The following SRRT variants were observed in gnomAD, a reference collection of about 807,000 sequenced individuals.
The protein encoded by SRRT is serrate, RNA effector molecule, also known as serrate RNA effector molecule homolog.
A neutral mutation model predicts 103.2 loss-of-function variants in SRRT; 32 were observed. The ratio of observed to expected loss-of-function variants is 0.31; its 90% CI spans 0.23 to 0.42. The LOEUF is 0.42. Ranked by LOEUF, SRRT falls within the 10% of genes least tolerant of loss-of-function variation. SRRT has a pLI of 1.00. For missense variants in SRRT, 986 were observed against 1,207.5 expected, an observed-to-expected ratio of 0.82 and a Z score of 2.72; for synonymous variants, 525 against 449.0, an observed-to-expected ratio of 1.17 and a Z score of -2.14.
chr7:100,888,367 G>A lies in SRRT; in HGVS notation c.2539G>A (p.Gly847Arg). 6.2e-7 allele frequency: 1 copy of A among 1,613,916 alleles called. No individual in the cohort carries two copies. Among genetic ancestry groups the A allele is most frequent in the Non-Finnish European group, 8.5e-7 (1 of 1,179,864 alleles). Residue 847 changes from glycine to arginine, a missense_variant, in exon 19 of 20, where the codon GGG (glycine) becomes AGG (arginine). Physicochemically the swap from Gly to Arg is moderately radical, Grantham distance 125. Transcript: ENST00000611405. ...CTTCCGAGGCCAGGGAGGTTATCCT[G>A]GGAAACCTCGCAACAGGTGAGGAGG... ...DAFRGQGGYP[G>R]KPRNRMVRGD...
Position 100,885,870 on chromosome 7 carries a change from C to T in SRRT, c.1387C>T (p.Arg463Cys), listed in dbSNP as rs755529934. ...SEPQPERRFF[R>C]RGWVTFDRSV... The stretch of plus-strand genomic sequence containing the variant: ...ATTTTCTTTCTTGTGTAGGTTTTTC[C>T]GTCGTGGCTGGGTGACCTTCGACCG... Residue 463 changes from arginine (R) to cysteine (C), a missense_variant, in exon 12 of 20, where the codon CGT (arginine) becomes TGT (cysteine). Coordinates refer to ENST00000611405, the MANE Select transcript of SRRT (RefSeq NM_015908.6). This position sits in a 1 kb window ranked among gnomAD's most constrained non-coding sequence, Gnocchi z 4.8. The T allele has an allele frequency of 1.5e-5, 25 of 1,613,932 alleles. No individual in the cohort carries two copies. Among genetic ancestry groups the T allele is most frequent in the Non-Finnish European group, 2.1e-5 (25 of 1,180,022 alleles).
At position 100,884,854 on chromosome 7, in the gene SRRT, C is replaced by T; in HGVS notation, c.1041+16C>T. ...AGCCAAAAAGGTGAGGTGTCTGTGG[C>T]CTGGGGTCAGAGTGTTGGGGCTGGG... On this transcript the variant is annotated intron_variant, in intron 8 of 19. Transcript: ENST00000611405. The T allele has an allele frequency of 1.2e-6, 2 of 1,613,672 alleles. No homozygotes were observed. The highest frequency in any genetic ancestry group is 2.2e-5 in the South Asian group (2 of 91,042).
At position 100,885,959 on chromosome 7, in the gene SRRT, G is replaced by T; in HGVS notation, c.1458+18G>T. On this transcript the variant is annotated intron_variant, in intron 12 of 19. Coordinates refer to ENST00000611405, the MANE Select transcript of SRRT (RefSeq NM_015908.6). This position sits in a 1 kb window ranked among gnomAD's most constrained non-coding sequence, Gnocchi z 4.8. ...ACATCCGTGTGAGTGCTGGGGGTGG[G>T]ACTGTGGGGAAGAGGAAGGGAGACT... 1 of 1,613,116 alleles carries T rather than the reference G, an allele frequency of 6.2e-7. No individual in the cohort carries two copies. Among genetic ancestry groups the T allele is most frequent in the South Asian group, 1.1e-5 (1 of 91,038 alleles).
chr7:100,885,364 C>T lies in SRRT; in HGVS notation c.1311C>T (p.Ile437=), dbSNP rs777988837. 1.2e-6 allele frequency: 2 copies of T among 1,613,172 alleles called. No individual in the cohort carries two copies. Among genetic ancestry groups the T allele is most frequent in the Non-Finnish European group, 1.7e-6 (2 of 1,179,338 alleles). ...NIAPNISRAE[I]ISLCKRYPGF... ...CGCCCAACATCTCCCGGGCCGAGAT[C>T]ATCTCCGTGAGTGGGGACCCGTGGA... The change falls in exon 10 of 20, where the codon ATC becomes ATT. Residue 437 remains isoleucine (I), a synonymous_variant. Transcript: ENST00000611405. This position sits in a 1 kb window ranked among gnomAD's most constrained non-coding sequence, Gnocchi z 4.8.
chr7:100,878,077 G>A (rs565425051), intron 2 of SRRT, among the ~76,000 whole-genome samples: 59 of 152,254 alleles, frequency 3.9e-4, no homozygotes, highest in Non-Finnish European at 7.4e-4. Flanking sequence ...TTTGGGAGGC[G>A]AAGGTGGGTG....
Position 100,886,776 on chromosome 7 carries a change from C to A in SRRT, c.1648-19C>A, listed in dbSNP as rs373686541. 6.2e-7 allele frequency: 1 copy of A among 1,613,660 alleles called. No individual in the cohort carries two copies. Among genetic ancestry groups the A allele is most frequent in the Non-Finnish European group, 8.5e-7 (1 of 1,179,858 alleles). ...CTGAAGGTCTTCTCTGCCTTACTTG[C>A]TTCTCTTCCTCCCATCAGAGCCTGC... On this transcript the variant is annotated intron_variant, in intron 13 of 19. Transcript: ENST00000611405.
intron 5 of SRRT, among the ~76,000 whole-genome samples, chr7:100,883,720 C>T (rs1359219135): frequency 1.3e-5 from 2 of 152,176 alleles, no homozygotes; most frequent in South Asian, 2.1e-4. Context: ...GCCTTCCTCT[C>T]TGAAGCTTTG....
At position 100,887,208 on chromosome 7, in the gene SRRT, C is replaced by G; in HGVS notation, c.1975+8C>G. On this transcript the variant is annotated splice_region_variant and intron_variant, in intron 15 of 19. Transcript: ENST00000611405. This position sits in a 1 kb window ranked among gnomAD's most constrained non-coding sequence, Gnocchi z 4.1. ...GCATCAGTCACGGGGAAGGTGAGCT[C>G]CAGGTTCCCCTTTGTTCCCGGCTGC... 3.1e-6 allele frequency: 5 copies of G among 1,614,144 alleles called. No homozygotes were observed. Among genetic ancestry groups the G allele is most frequent in the Middle Eastern group, 3.3e-4 (2 of 6,062 alleles).
chr7:100,885,089 G>T lies in SRRT; in HGVS notation c.1159+49G>T, dbSNP rs368946191. The T allele has an allele frequency of 1.3e-4, 211 of 1,610,004 alleles. 4 individuals are homozygous for T. The highest frequency in any genetic ancestry group is 8.9e-4 in the East Asian group (40 of 44,790). On this transcript the variant is annotated intron_variant, in intron 9 of 19. Transcript: ENST00000611405. The surrounding 1 kb of genome is among the most constrained non-coding windows in gnomAD (Gnocchi z 4.8). ...AGTGCGTTCTCCTAATGCGGGTGGG[G>T]AGGTGAGAGGTTGGCGACATTGACG...
In SRRT at chr7:100,875,348, T is replaced by TG. The variant is rs548859342; in HGVS notation, c.-19+26dup. 6 of 1,264,444 alleles carry TG rather than the reference T, an allele frequency of 4.7e-6. No individual in the cohort carries two copies. The highest frequency in any genetic ancestry group is 1.6e-5 in the African/African-American group (1 of 62,992). The allele number at this position is 1,264,444 out of a possible 1,614,324, so 78.3% of individuals were successfully genotyped here. On this transcript the variant is annotated intron_variant, in intron 1 of 19. Coordinates refer to ENST00000611405, the MANE Select transcript of SRRT (RefSeq NM_015908.6). ...ACCAAGGTGGGGGAGGGGAGGAGCC[T>TG]GGGGGGCCCCGCTGGGGCGGGAGAG...
chr7:100,884,443 GAAAGCC>G lies in SRRT; in HGVS notation c.834_839del (p.Lys279_Pro280del), dbSNP rs569140627. On this transcript the variant is annotated inframe_deletion, in exon 7 of 20. Transcript: ENST00000611405. ...CAGGAGGAGGAGGAGGAGCAGGCAGGAAAGCCTGGGGAGCCCAGCAAGAAAGAAGAA... is the reference window on the plus strand; with the variant it reads ...CAGGAGGAGGAGGAGGAGCAGGCAGGTGGGGAGCCCAGCAAGAAAGAAGAA... 2.8e-5 allele frequency: 45 copies of G among 1,613,930 alleles called. No homozygotes were observed. In the East Asian group the frequency reaches 4.0e-4, roughly 14 times the overall value.
rs777214532 is a variant in SRRT at position 100,887,077 on chromosome 7, A to G, written c.1852A>G (p.Ile618Val). ...VLDKLLLYLR[I>V]VHSLDYYNTC... ...GGACAAGCTCCTCCTTTACCTGCGC[A>G]TCGTGCATTCCTTGGATTATTACAA... is the stretch of plus-strand genomic sequence containing the variant. Residue 618 changes from isoleucine to valine, a missense_variant, in exon 15 of 20, where the codon ATC (isoleucine) becomes GTC (valine). Around this residue, in one of 6 missense-constraint regions of SRRT, gnomAD observed 349 missense variants for 446.9 expected, o/e 0.78. Coordinates refer to ENST00000611405, the MANE Select transcript of SRRT (RefSeq NM_015908.6). The surrounding 1 kb of genome is among the most constrained non-coding windows in gnomAD (Gnocchi z 4.1). The G allele has an allele frequency of 2.0e-5, 33 of 1,614,082 alleles. No individual in the cohort carries two copies. The highest frequency in any genetic ancestry group is 4.0e-5 in the African/African-American group (3 of 74,938).
intron 2 of SRRT, among the ~76,000 whole-genome samples, chr7:100,876,903 A>C (rs1815765794): frequency 2.0e-5 from 3 of 152,162 alleles, no homozygotes; most frequent in African/African-American, 7.2e-5. Flanking sequence ...GAGTGACATG[A>C]ACAGCTTGGA....
intron 2 of SRRT, 53 bp from the exon 3 acceptor site, chr7:100,881,232 G>A: frequency 6.3e-7 from 1 of 1,577,018 alleles, no homozygotes; most frequent in Non-Finnish European, 8.7e-7. Flanking sequence ...TGGATTACAG[G>A]CATGAGCCAC....
Position 100,882,145 on chromosome 7 carries a change from A to C in SRRT, c.491A>C (p.Asp164Ala). 6.2e-7 allele frequency: 1 copy of C among 1,614,146 alleles called. No individual in the cohort carries two copies. Among genetic ancestry groups the C allele is most frequent in the East Asian group, 2.2e-5 (1 of 44,882 alleles). The change falls in exon 5 of 20, where the codon GAT becomes GCT. Residue 164 changes from aspartate to alanine, a missense_variant. Asp to Ala is a moderately radical substitution (Grantham distance 126). Around this residue, in one of 6 missense-constraint regions of SRRT, gnomAD observed 274 missense variants for 358.5 expected, o/e 0.76. Coordinates refer to ENST00000611405, the MANE Select transcript of SRRT (RefSeq NM_015908.6). The surrounding 1 kb of genome is among the most constrained non-coding windows in gnomAD (Gnocchi z 4.2). ...EFLLSLDDSV[D>A]ETEAVKRYND... ...CTCCTCTCCCTGGATGACTCGGTGG[A>C]TGAGACGGAGGCCGTCAAGCGCTAT... is the stretch of plus-strand genomic sequence containing the variant.
chr7:100,885,575 C>G lies in SRRT; in HGVS notation c.1318-126C>G. ...GTTCTGAAGCCCTTTAGTGGTTTTT[C>G]CCTGCCCAAGGATGGGAAGAGTGAT... On this transcript the variant is annotated intron_variant, in intron 10 of 19. Coordinates refer to ENST00000611405, the MANE Select transcript of SRRT (RefSeq NM_015908.6). The surrounding 1 kb of genome is among the most constrained non-coding windows in gnomAD (Gnocchi z 4.8). 4 of 1,198,406 alleles carry G rather than the reference C, an allele frequency of 3.3e-6. No homozygotes were observed. The East Asian group carries it at 7.7e-5, about 23-fold the overall frequency. The allele number at this position is 1,198,406 out of a possible 1,614,324, so 74.2% of individuals were successfully genotyped here. A position where few individuals can be genotyped will look rare whatever the true frequency, so the allele number is the denominator to read the frequency against.
chr7:100,876,502 T>G (rs1391232612), intron 2 of SRRT, among the ~76,000 whole-genome samples: 1 of 152,178 alleles, frequency 6.6e-6, no homozygotes, highest in Non-Finnish European at 1.5e-5. Flanking sequence ...AGGTTGTAAA[T>G]TATATTTTAG....
At chr7:100,880,733 T>C in intron 2 of SRRT, 1 of 433,458 alleles carries the variant, frequency 2.3e-6, no homozygotes, top group Non-Finnish European at 4.7e-6. Context: ...CTGAGTGCAC[T>C]GGTGCAGTCG....
intron 2 of SRRT, among the ~76,000 whole-genome samples, chr7:100,876,166 T>C (rs753322120): frequency 1.3e-5 from 2 of 152,150 alleles, no homozygotes; most frequent in African/African-American, 4.8e-5. Context: ...ATTATTGTTA[T>C]TTCGAGACAG....
Sources: allele counts gnomAD v4.1 joint callset (sites outside exome capture counted in the v4.1 genomes callset), GRCh38; gene constraint gnomAD v4.1.1; regional missense constraint gnomAD v4.1.1; non-coding constraint Gnocchi (gnomAD v3.1); transcripts MANE v1.5; gene names NCBI Gene and HGNC (gene_info 2026-07-23, HGNC 2026-07-21).